The following ATRNL1 variants were observed in gnomAD, a reference collection of about 807,000 sequenced individuals.
ATRNL1 encodes attractin like 1, also known as attractin-like protein 1.
Under a neutral mutation model 182.7 loss-of-function variants are expected in ATRNL1, and 95 were observed. The observed-to-expected ratio is 0.52, with a 90% confidence interval of 0.44 to 0.62. ATRNL1 has a LOEUF of 0.62. ATRNL1 is among the 20% of genes least tolerant of loss of function. The probability of loss-of-function intolerance (pLI) is 0.00; values close to 1 mark genes in which losing one functional copy is unlikely to be tolerated. For synonymous variants in ATRNL1, 576 were observed against 568.3 expected, an observed-to-expected ratio of 1.01 and a Z score of -0.19; for missense variants, 1,471 against 1,679.5, an observed-to-expected ratio of 0.88 and a Z score of 2.17.
intron 21 of ATRNL1, among the ~76,000 whole-genome samples, chr10:115,435,339 G>T (rs1287031252): frequency 2.0e-5 from 3 of 152,002 alleles, no homozygotes; most frequent in Non-Finnish European, 2.9e-5. Flanking sequence ...ACCCTCATAG[G>T]TGGAATTTGT....
At chr10:115,877,486 C>T (rs1464190510) in intron 28 of ATRNL1, among the ~76,000 whole-genome samples, 1 of 152,182 alleles carries the variant, frequency 6.6e-6, no homozygotes, top group African/African-American at 2.4e-5. Context: ...TGGGAAAGCC[C>T]ACTCCAGGGG....
chr10:115,461,903 A>T, intron 21 of ATRNL1, 38 bp from the exon 22 acceptor site: 3 of 1,458,098 alleles, frequency 2.1e-6, no homozygotes, highest in Middle Eastern at 3.5e-4. Context: ...CAGTTTTTAA[A>T]GTACATATCA....
intron 15 of ATRNL1, among the ~76,000 whole-genome samples, chr10:115,299,734 C>G (rs1437652491): frequency 2.0e-5 from 3 of 152,104 alleles, no homozygotes; most frequent in African/African-American, 7.2e-5. Context: ...CCTACCTTAT[C>G]AGATAGATAA....
At chr10:115,536,626 C>G (rs150317190) in intron 25 of ATRNL1, among the ~76,000 whole-genome samples, 11,031 of 152,196 alleles carry the variant, frequency 0.072, 786 homozygotes, top group African/African-American at 0.18. Flanking sequence ...CACTGTCCTG[C>G]GCCCACTGTC....
intron 27 of ATRNL1, among the ~76,000 whole-genome samples, chr10:115,798,752 C>T (rs1593231390): frequency 6.6e-6 from 1 of 151,792 alleles, no homozygotes; most frequent in East Asian, 1.9e-4. Context: ...AAACTACTTA[C>T]TTGGTTTCAG....
At chr10:115,693,420 T>C (rs1296819580) in intron 26 of ATRNL1, among the ~76,000 whole-genome samples, 1 of 152,152 alleles carries the variant, frequency 6.6e-6, no homozygotes, top group East Asian at 1.9e-4. Context: ...ATTTCTTCTA[T>C]AGAGTATTGG....
intron 9 of ATRNL1, among the ~76,000 whole-genome samples, chr10:115,241,336 A>C (rs1451913722): frequency 6.6e-6 from 1 of 151,592 alleles, no homozygotes; most frequent in East Asian, 1.9e-4. Context: ...GAGTATTAAA[A>C]ATTCTTTTTG....
intron 18 of ATRNL1, among the ~76,000 whole-genome samples, chr10:115,321,790 A>G (rs370692207): frequency 1.3e-5 from 2 of 151,900 alleles, no homozygotes; most frequent in African/African-American, 4.8e-5. Flanking sequence ...GCAAGAAATT[A>G]AATGGATCTA....
At chr10:115,357,127 G>T (rs1398939116) in intron 19 of ATRNL1, among the ~76,000 whole-genome samples, 4 of 151,856 alleles carry the variant, frequency 2.6e-5, no homozygotes, top group African/African-American at 9.7e-5. Context: ...TGTTATGATT[G>T]AACTTAATAA....
rs185250488 is a variant in ATRNL1 at position 115,448,568 on chromosome 10, G to A, written c.3323-13373G>A. On this transcript the variant is annotated intron_variant, in intron 21 of 28. Coordinates refer to ENST00000355044, the MANE Select transcript of ATRNL1 (RefSeq NM_207303.4). ...AAGGGCTAAATGCCCACATCAAAAA[G>A]TTAGAAAGATCTCAAATTAACAACA... 5.7e-3 allele frequency among the ~76,000 whole-genome samples: 874 copies of A among 152,192 alleles called. 3 individuals are homozygous for A. Among genetic ancestry groups the A allele is most frequent in the Non-Finnish European group, 6.3e-3 (431 of 68,000 alleles).
chr10:115,534,725 G>T (rs1341658173), intron 25 of ATRNL1, among the ~76,000 whole-genome samples: 3 of 151,838 alleles, frequency 2.0e-5, no homozygotes, highest in Non-Finnish European at 4.4e-5. Flanking sequence ...ATTTTGGCAT[G>T]ATTTTGTAGC....
chr10:115,744,771 A>G (rs1367294368), intron 27 of ATRNL1, among the ~76,000 whole-genome samples: 11 of 152,166 alleles, frequency 7.2e-5, no homozygotes, highest in Admixed American at 7.2e-4. Flanking sequence ...CTGAACGACA[A>G]TGTGATTGTC....
chr10:115,445,201 G>A, intron 21 of ATRNL1, among the ~76,000 whole-genome samples: 1 of 150,172 alleles, frequency 6.7e-6, no homozygotes, highest in East Asian at 2.0e-4. Context: ...GACTGAGACG[G>A]GTAGATCACC....
intron 19 of ATRNL1, among the ~76,000 whole-genome samples, chr10:115,371,429 A>T (rs1332321339): frequency 6.6e-6 from 1 of 152,240 alleles, no homozygotes; most frequent in Non-Finnish European, 1.5e-5. Context: ...CCACAGGAGC[A>T]GAGCTGCTCA....
intron 27 of ATRNL1, among the ~76,000 whole-genome samples, chr10:115,815,207 G>A (rs535111683): frequency 2.6e-5 from 4 of 152,214 alleles, no homozygotes; most frequent in African/African-American, 9.6e-5. Flanking sequence ...ATATAATAGA[G>A]TCTCACAAGC....
chr10:115,650,438 G>A (rs1243648918), intron 26 of ATRNL1, among the ~76,000 whole-genome samples: 1 of 152,042 alleles, frequency 6.6e-6, no homozygotes, highest in East Asian at 1.9e-4. Context: ...GTTACTGGTT[G>A]AGTATAAGGC....
At chr10:115,316,388 T>A (rs1472073251) in intron 18 of ATRNL1, among the ~76,000 whole-genome samples, 1 of 152,074 alleles carries the variant, frequency 6.6e-6, no homozygotes. Flanking sequence ...TTCCATGACT[T>A]TGCTATTGCA....
chr10:115,111,507 T>G (rs952763160), intron 1 of ATRNL1, among the ~76,000 whole-genome samples: 1 of 152,122 alleles, frequency 6.6e-6, no homozygotes, highest in Non-Finnish European at 1.5e-5. Flanking sequence ...AAATGGGAGC[T>G]GGTATCTGCA....
At chr10:115,381,431 A>ACTTTTTTTTTTTTTTTT (rs1857991988) in intron 19 of ATRNL1, among the ~76,000 whole-genome samples, 1 of 31,092 alleles carries the variant, frequency 3.2e-5, no homozygotes, top group Non-Finnish European at 8.7e-5. Flanking sequence ...CATACCTGGC[A>ACTTTTTTTTTTTTTTTT]ATTTTTTTTT....
Sources: gnomAD v4.1 joint callset for allele counts (sites outside exome capture counted in the v4.1 genomes callset) on GRCh38, gnomAD v4.1.1 for gene constraint, MANE v1.5 for transcripts, NCBI Gene and HGNC (gene_info 2026-07-23, HGNC 2026-07-21) for gene names.